CSNK2A2IP: variants seen among roughly 807,000 people sequenced by gnomAD.
CSNK2A2IP encodes the protein casein kinase 2 subunit alpha' interacting protein, also known as casein kinase II subunit alpha'-interacting protein.
chr3:88,420,836 G>T, the CSNK2A2IP span, among the ~76,000 whole-genome samples: 1 of 152,040 alleles, frequency 6.6e-6, no homozygotes, highest in South Asian at 2.1e-4. Context: ...ATGCTGGTTT[G>T]GTCCAATCAG....
the CSNK2A2IP span, among the ~76,000 whole-genome samples, chr3:88,448,500 C>T: frequency 6.6e-6 from 1 of 152,160 alleles, no homozygotes; most frequent in Non-Finnish European, 1.5e-5. Context: ...ACCTATGTCC[C>T]ATAGTTTCTT....
the CSNK2A2IP span, among the ~76,000 whole-genome samples, chr3:88,454,409 G>A: frequency 2.9e-3 from 436 of 151,766 alleles, 2 homozygotes; most frequent in African/African-American, 9.8e-3. Context: ...AAGAGAAGAA[G>A]TTTTAAATTT....
the CSNK2A2IP span, among the ~76,000 whole-genome samples, chr3:88,419,998 T>C: frequency 6.6e-6 from 1 of 152,140 alleles, no homozygotes; most frequent in Non-Finnish European, 1.5e-5. Context: ...TCCCACCACA[T>C]AGAATCACCT....
the CSNK2A2IP span, among the ~76,000 whole-genome samples, chr3:88,363,551 T>G: frequency 6.6e-6 from 1 of 152,230 alleles, no homozygotes; most frequent in African/African-American, 2.4e-5. Context: ...TTGGTATCTT[T>G]GCTTTCATGC....
chr3:88,409,297 G>A, the CSNK2A2IP span, among the ~76,000 whole-genome samples: 4 of 151,890 alleles, frequency 2.6e-5, no homozygotes, highest in Non-Finnish European at 4.4e-5. Flanking sequence ...TCTGTCCTCT[G>A]TTCTGTCTTC....
the CSNK2A2IP span, among the ~76,000 whole-genome samples, chr3:88,441,868 T>C: frequency 1.3e-5 from 2 of 152,182 alleles, no homozygotes; most frequent in African/African-American, 2.4e-5. Flanking sequence ...TTTCTCCAGC[T>C]AGAGATTTTC....
At chr3:88,458,561 T>G in the CSNK2A2IP span, among the ~76,000 whole-genome samples, 1 of 152,328 alleles carries the variant, frequency 6.6e-6, no homozygotes, top group African/African-American at 2.4e-5. Flanking sequence ...TCTCATTGGC[T>G]TCTCCTTTAA....
At chr3:88,415,624 C>A in the CSNK2A2IP span, among the ~76,000 whole-genome samples, 8 of 152,046 alleles carry the variant, frequency 5.3e-5, no homozygotes, top group Admixed American at 1.3e-4. Context: ...GAGAGAGAAG[C>A]CCCTATCTGC....
chr3:88,442,537 G>T, the CSNK2A2IP span, among the ~76,000 whole-genome samples: 9 of 151,978 alleles, frequency 5.9e-5, no homozygotes, highest in Admixed American at 2.0e-4. Flanking sequence ...ATAATAATAA[G>T]AATAATAATT....
chr3:88,452,965 G>C, the CSNK2A2IP span, among the ~76,000 whole-genome samples: 2 of 152,046 alleles, frequency 1.3e-5, no homozygotes, highest in Admixed American at 1.3e-4. Flanking sequence ...GTTTGGAGAA[G>C]GTAGTCTTAA....
the CSNK2A2IP span, among the ~76,000 whole-genome samples, chr3:88,435,455 T>C: frequency 1.3e-5 from 2 of 152,138 alleles, no homozygotes; most frequent in African/African-American, 4.8e-5. Context: ...AAAGTTTCCA[T>C]GTGTGTCTAT....
chr3:88,368,720 T>C, the CSNK2A2IP span, among the ~76,000 whole-genome samples: 1,052 of 152,178 alleles, frequency 6.9e-3, 15 homozygotes, highest in African/African-American at 0.024. Context: ...AGTTTATTTC[T>C]TCTTTTATTT....
At chr3:88,459,344 G>A in the CSNK2A2IP span, among the ~76,000 whole-genome samples, 3 of 152,002 alleles carry the variant, frequency 2.0e-5, no homozygotes, top group South Asian at 2.1e-4. Flanking sequence ...CATAAATCCT[G>A]TTAAATATCG....
the CSNK2A2IP span, among the ~76,000 whole-genome samples, chr3:88,460,929 T>C: frequency 5.2e-3 from 789 of 151,962 alleles, 10 homozygotes; most frequent in African/African-American, 0.018. Flanking sequence ...CTCTACTAAA[T>C]ACAAAAAATT....
chr3:88,403,353 G>A, the CSNK2A2IP span, among the ~76,000 whole-genome samples: 1 of 152,090 alleles, frequency 6.6e-6, no homozygotes, highest in African/African-American at 2.4e-5. Flanking sequence ...ATTGAAAAAT[G>A]TAACTTTATT....
At chr3:88,356,161 T>C in the CSNK2A2IP span, among the ~76,000 whole-genome samples, 1 of 152,156 alleles carries the variant, frequency 6.6e-6, no homozygotes, top group African/African-American at 2.4e-5. Context: ...ATAGTCTCCT[T>C]ATCATGCTAC....
chr3:88,427,430 A>T, the CSNK2A2IP span, among the ~76,000 whole-genome samples: 1 of 152,248 alleles, frequency 6.6e-6, no homozygotes, highest in Non-Finnish European at 1.5e-5. Flanking sequence ...TTGCATAAGT[A>T]ACAAGGAGCC....
the CSNK2A2IP span, among the ~76,000 whole-genome samples, chr3:88,383,629 T>C: frequency 6.6e-6 from 1 of 151,232 alleles, no homozygotes; most frequent in East Asian, 1.9e-4. Context: ...GAATAGCCTA[T>C]GGACACCTGT....
chr3:88,457,774 G>T, the CSNK2A2IP span, among the ~76,000 whole-genome samples: 1 of 146,402 alleles, frequency 6.8e-6, no homozygotes, highest in Non-Finnish European at 1.5e-5. Context: ...TTTTAACATA[G>T]CTTGAGTTGA....
Sources: gnomAD v4.1 joint callset for allele counts (sites outside exome capture counted in the v4.1 genomes callset) on GRCh38, gnomAD v4.1.1 for gene constraint, MANE v1.5 for transcripts, NCBI Gene and HGNC (gene_info 2026-07-23, HGNC 2026-07-21) for gene names.